PREX2: variants seen among roughly 807,000 people sequenced by gnomAD.
The protein encoded by PREX2 is phosphatidylinositol 3,4,5-trisphosphate-dependent Rac exchanger 2 protein.
Under a neutral mutation model 203.2 loss-of-function variants are expected in PREX2, and 107 were observed. That is an observed-to-expected ratio of 0.53 (90% CI 0.45 to 0.62). The LOEUF (loss-of-function observed/expected upper bound fraction) is 0.62. Among genes scored for constraint, PREX2 ranks in the 20% least tolerant of loss-of-function variants. The pLI is 0.00. For missense variants in PREX2, 1,777 were observed against 1,955.9 expected, an observed-to-expected ratio of 0.91 and a Z score of 1.72; for synonymous variants, 672 against 663.6, an observed-to-expected ratio of 1.01 and a Z score of -0.19.
intron 35 of PREX2, among the ~76,000 whole-genome samples, chr8:68,181,640 G>GT (rs1473309073): frequency 6.6e-6 from 1 of 152,092 alleles, no homozygotes; most frequent in East Asian, 1.9e-4. Flanking sequence ...TGCTTGGCAG[G>GT]TTTTTTTCTT....
At chr8:68,211,374 G>A (rs1177805230) in intron 37 of PREX2, among the ~76,000 whole-genome samples, 1 of 152,078 alleles carries the variant, frequency 6.6e-6, no homozygotes, top group Non-Finnish European at 1.5e-5. Context: ...GAATAAAAAG[G>A]ACTATAAAAG....
chr8:67,995,028 C>T (rs1480999444), intron 1 of PREX2, among the ~76,000 whole-genome samples: 1 of 151,872 alleles, frequency 6.6e-6, no homozygotes, highest in Non-Finnish European at 1.5e-5. Flanking sequence ...CTTTTCTTTC[C>T]TATTTTCTTT....
At chr8:68,046,285 A>C (rs552392724) in intron 8 of PREX2, among the ~76,000 whole-genome samples, 1 of 151,984 alleles carries the variant, frequency 6.6e-6, no homozygotes, top group African/African-American at 2.4e-5. Flanking sequence ...GAGTTGTGAT[A>C]GTGATTACTA....
Position 68,092,016 on chromosome 8 carries a change from C to G in PREX2, c.2250+1301C>G, listed in dbSNP as rs191955638. Among the ~76,000 whole-genome samples the G allele has an allele frequency of 1.6e-3, 240 of 152,236 alleles. 1 individual carries two copies. The highest frequency in any genetic ancestry group is 5.6e-3 in the African/African-American group (233 of 41,522). ...CCGTGGGGTGGTTCCTATGAGGTTA[C>G]TGACGTGGCTGCATTCTGCTGGGAC... On this transcript the variant is annotated intron_variant, in intron 20 of 39. Coordinates refer to ENST00000288368, the MANE Select transcript of PREX2 (RefSeq NM_024870.4).
At chr8:67,960,285 C>G (rs950003501) in intron 1 of PREX2, among the ~76,000 whole-genome samples, 1 of 152,078 alleles carries the variant, frequency 6.6e-6, no homozygotes, top group African/African-American at 2.4e-5. Context: ...ACGGAAGTTC[C>G]CCCACCTCAG....
intron 35 of PREX2, among the ~76,000 whole-genome samples, chr8:68,164,528 A>G (rs1811718505): frequency 6.6e-6 from 1 of 151,464 alleles, no homozygotes; most frequent in Non-Finnish European, 1.5e-5. Flanking sequence ...TTATCAGATT[A>G]TAGCCAAGAA....
chr8:68,012,920 C>T (rs1807306722), intron 1 of PREX2, among the ~76,000 whole-genome samples: 1 of 152,098 alleles, frequency 6.6e-6, no homozygotes, highest in Non-Finnish European at 1.5e-5. Context: ...ACTGATAAAC[C>T]ATGTCATATG....
intron 29 of PREX2, 71 bp downstream of exon 29, chr8:68,120,357 C>T (rs1810746567): frequency 1.0e-6 from 1 of 991,714 alleles, no homozygotes; most frequent in Non-Finnish European, 1.6e-6. Context: ...AGTCATGAAG[C>T]AAGCAGATTG....
At position 68,107,940 on chromosome 8, in the gene PREX2, A is replaced by G. The variant is rs555959238; in HGVS notation, c.2716-169A>G. On this transcript the variant is annotated intron_variant, in intron 23 of 39. Coordinates refer to ENST00000288368, the MANE Select transcript of PREX2 (RefSeq NM_024870.4). The stretch of plus-strand genomic sequence containing the variant: ...TGCTTGGCTTTATTAAGAATGCTTC[A>G]GTTTTGAAATCACAATGGAATTTCT... Among the ~76,000 whole-genome samples the G allele has an allele frequency of 2.0e-5, 3 of 152,336 alleles. No individual in the cohort carries two copies. The South Asian group carries it at 6.2e-4, about 32-fold the overall frequency.
intron 1 of PREX2, among the ~76,000 whole-genome samples, chr8:67,991,524 G>A (rs1436763818): frequency 6.6e-6 from 1 of 152,166 alleles, no homozygotes; most frequent in Non-Finnish European, 1.5e-5. Context: ...GTGGGAGGAA[G>A]GAGAAGTGCC....
chr8:68,002,672 T>A (rs531938916), intron 1 of PREX2, among the ~76,000 whole-genome samples: 224 of 152,312 alleles, frequency 1.5e-3, no homozygotes, highest in Admixed American at 6.5e-3. Context: ...AATCATTTTT[T>A]TTTTCAGAGC....
At chr8:68,170,429 C>T (rs1166106988) in intron 35 of PREX2, among the ~76,000 whole-genome samples, 1 of 152,222 alleles carries the variant, frequency 6.6e-6, no homozygotes, top group Non-Finnish European at 1.5e-5. Context: ...TGACCATTTT[C>T]CCCCGGTCTC....
At chr8:68,032,775 A>AG (rs1807921914) in intron 6 of PREX2, among the ~76,000 whole-genome samples, 1 of 152,072 alleles carries the variant, frequency 6.6e-6, no homozygotes, top group Admixed American at 6.6e-5. Context: ...GTCTGTGGAG[A>AG]GGCTACCTTA....
chr8:68,133,899 C>T (rs1179805879), intron 31 of PREX2, among the ~76,000 whole-genome samples, 160 bp from the exon 32 acceptor site: 2 of 152,158 alleles, frequency 1.3e-5, no homozygotes, highest in East Asian at 3.8e-4. Flanking sequence ...AGCATATTTG[C>T]TAGAATGTGT....
At chr8:68,159,148 TG>T (rs1167239726) in intron 35 of PREX2, among the ~76,000 whole-genome samples, 2 of 152,162 alleles carry the variant, frequency 1.3e-5, no homozygotes, top group African/African-American at 2.4e-5. Flanking sequence ...GACTCATAGC[TG>T]GGAAGTAATT....
chr8:68,036,405 T>C (rs11780325), intron 6 of PREX2, among the ~76,000 whole-genome samples: 6,970 of 152,276 alleles, frequency 0.046, 224 homozygotes, highest in Middle Eastern at 0.075. Flanking sequence ...GGGTGATTTA[T>C]TTAATGTGAA....
intron 31 of PREX2, among the ~76,000 whole-genome samples, chr8:68,132,319 G>C (rs977432043): frequency 1.3e-5 from 2 of 151,350 alleles, no homozygotes; most frequent in South Asian, 2.1e-4. Context: ...AGATTTTATA[G>C]TTATCTATAA....
At chr8:68,230,252 T>C (rs1585879140) in intron 39 of PREX2, among the ~76,000 whole-genome samples, 1 of 152,358 alleles carries the variant, frequency 6.6e-6, no homozygotes, top group Admixed American at 6.5e-5. Flanking sequence ...TTTGCTAAAT[T>C]GATCAACAAC....
intron 6 of PREX2, among the ~76,000 whole-genome samples, chr8:68,035,112 T>C (rs150323264): frequency 2.0e-4 from 31 of 152,266 alleles, no homozygotes; most frequent in African/African-American, 7.2e-4. Flanking sequence ...AGTTAATAGT[T>C]TTAACCTCAA....
Sources: gnomAD v4.1 joint callset for allele counts (sites outside exome capture counted in the v4.1 genomes callset) on GRCh38, gnomAD v4.1.1 for gene constraint, MANE v1.5 for transcripts, NCBI Gene and HGNC (gene_info 2026-07-23, HGNC 2026-07-21) for gene names.